Variants in CTNNA2 observed in about 807,000 individuals in gnomAD.
CTNNA2 encodes the protein catenin alpha-2.
A neutral mutation model predicts 101.0 loss-of-function variants in CTNNA2; 42 were observed. That is an observed-to-expected ratio of 0.42 (90% CI 0.32 to 0.54). The LOEUF (loss-of-function observed/expected upper bound fraction) is 0.54, where lower values mean the gene tolerates loss of function less well. Ranked by LOEUF, CTNNA2 falls within the 20% of genes least tolerant of loss-of-function variation. The probability of loss-of-function intolerance (pLI) is 0.14; values close to 1 mark genes in which losing one functional copy is unlikely to be tolerated. For missense variants in CTNNA2, 871 were observed against 1,223.1 expected, an observed-to-expected ratio of 0.71 and a Z score of 4.29; for synonymous variants, 450 against 456.4, an observed-to-expected ratio of 0.99 and a Z score of 0.18.
chr2:79,388,783 CTT>C (rs138737238), intron 4 of CTNNA2, among the ~76,000 whole-genome samples: 5 of 149,374 alleles, frequency 3.3e-5, no homozygotes, highest in African/African-American at 1.2e-4. Flanking sequence ...TCTCTCTCCT[CTT>C]TTTTTTTTAA....
At chr2:79,635,387 G>C (rs7563106) in intron 1 of CTNNA2, among the ~76,000 whole-genome samples, 1 of 151,574 alleles carries the variant, frequency 6.6e-6, no homozygotes, top group Non-Finnish European at 1.5e-5. Context: ...AGCCGAGATC[G>C]TGCCACTGCA....
intron 14 of CTNNA2, among the ~76,000 whole-genome samples, chr2:80,585,394 T>A (rs1695894804): frequency 6.6e-6 from 1 of 152,154 alleles, no homozygotes. Flanking sequence ...TGGATTAATA[T>A]CTCTGATACC....
intron 9 of CTNNA2, among the ~76,000 whole-genome samples, chr2:80,458,377 GC>G (rs1218809048): frequency 6.6e-6 from 1 of 152,102 alleles, no homozygotes; most frequent in Non-Finnish European, 1.5e-5. Flanking sequence ...AGTAGACTGT[GC>G]TTCTGTGTGT....
chr2:79,408,432 C>A (rs1332431442), intron 4 of CTNNA2, among the ~76,000 whole-genome samples: 2 of 150,572 alleles, frequency 1.3e-5, no homozygotes, highest in Non-Finnish European at 3.0e-5. Context: ...TTAGGTATAT[C>A]TCCTAATGCT....
chr2:80,158,946 C>T (rs1161504830), intron 7 of CTNNA2, among the ~76,000 whole-genome samples: 1 of 151,890 alleles, frequency 6.6e-6, no homozygotes, highest in Admixed American at 6.6e-5. Context: ...ACAAATGGAA[C>T]CATACAGTCC....
At chr2:79,796,071 G>C (rs758571138) in intron 3 of CTNNA2, among the ~76,000 whole-genome samples, 4 of 152,164 alleles carry the variant, frequency 2.6e-5, no homozygotes, top group African/African-American at 9.7e-5. Flanking sequence ...CAGATCCCAA[G>C]TGACAGGGAT....
At chr2:80,440,535 T>C (rs1206510304) in intron 9 of CTNNA2, among the ~76,000 whole-genome samples, 1 of 152,188 alleles carries the variant, frequency 6.6e-6, no homozygotes, top group African/African-American at 2.4e-5. Flanking sequence ...TGCTCACACA[T>C]TGAGACGAAG....
chr2:79,218,265 G>A (rs1674292266), intron 2 of CTNNA2, among the ~76,000 whole-genome samples: 2 of 151,546 alleles, frequency 1.3e-5, no homozygotes, highest in Non-Finnish European at 2.9e-5. Flanking sequence ...GTCCAGTAGA[G>A]TCTGAGCTTC....
At chr2:80,595,246 C>G (rs551066299) in intron 15 of CTNNA2, among the ~76,000 whole-genome samples, 1 of 151,966 alleles carries the variant, frequency 6.6e-6, no homozygotes, top group Non-Finnish European at 1.5e-5. Context: ...TTTTTTGATA[C>G]TGTTCTAAAT....
chr2:80,484,227 C>T (rs1346926444), intron 9 of CTNNA2, among the ~76,000 whole-genome samples: 1 of 151,938 alleles, frequency 6.6e-6, no homozygotes, highest in East Asian at 1.9e-4. Flanking sequence ...GTGGTCAATA[C>T]ATTTAAAGCA....
At chr2:80,000,673 G>T (rs1163092437) in intron 7 of CTNNA2, among the ~76,000 whole-genome samples, 1 of 152,170 alleles carries the variant, frequency 6.6e-6, no homozygotes, top group East Asian at 1.9e-4. Flanking sequence ...GAGGTCACAT[G>T]TCCATGGAGA....
chr2:80,293,012 G>T (rs1675399868), intron 7 of CTNNA2, among the ~76,000 whole-genome samples: 1 of 152,124 alleles, frequency 6.6e-6, no homozygotes, highest in Non-Finnish European at 1.5e-5. Flanking sequence ...GCTGCATTCT[G>T]AAAAGTCCCA....
chr2:80,006,366 A>AG (rs1450718708), intron 7 of CTNNA2, among the ~76,000 whole-genome samples: 1 of 151,454 alleles, frequency 6.6e-6, no homozygotes, highest in Admixed American at 6.6e-5. Context: ...CAGTAAAAAA[A>AG]AAAAAAAAGA....
intron 3 of CTNNA2, among the ~76,000 whole-genome samples, chr2:79,759,710 C>T (rs1672650750): frequency 6.6e-6 from 1 of 152,100 alleles, no homozygotes; most frequent in African/African-American, 2.4e-5. Context: ...TAGAATGTCC[C>T]AGGGCTCTGA....
intron 2 of CTNNA2, among the ~76,000 whole-genome samples, chr2:79,212,696 C>A (rs200445947): frequency 1.9e-5 from 1 of 51,440 alleles, no homozygotes; most frequent in African/African-American, 5.1e-5. Context: ...AAGAAATGAC[C>A]GCGGTGGCCT....
intron 7 of CTNNA2, among the ~76,000 whole-genome samples, chr2:79,949,279 G>A (rs1215972273): frequency 6.6e-5 from 10 of 152,116 alleles, no homozygotes; most frequent in East Asian, 1.9e-4. Context: ...AATAACGTGC[G>A]TGGGATTATT....
At chr2:79,396,410 C>T (rs1039788020) in intron 4 of CTNNA2, among the ~76,000 whole-genome samples, 12 of 152,072 alleles carry the variant, frequency 7.9e-5, no homozygotes, top group African/African-American at 2.2e-4. Flanking sequence ...CTGCCCGCCT[C>T]GGCCTCCCAA....
chr2:80,598,540 A>G (rs778404163), intron 15 of CTNNA2, among the ~76,000 whole-genome samples: 4 of 152,218 alleles, frequency 2.6e-5, no homozygotes, highest in Non-Finnish European at 4.4e-5. Flanking sequence ...ACATTTATCC[A>G]GAGACGTAAA....
chr2:79,928,285 C>T (rs1687164181), intron 7 of CTNNA2, among the ~76,000 whole-genome samples: 1 of 152,046 alleles, frequency 6.6e-6, no homozygotes, highest in Non-Finnish European at 1.5e-5. Context: ...ACTTTGTTGA[C>T]TTACATCGGG....
Sources: allele counts gnomAD v4.1 joint callset (sites outside exome capture counted in the v4.1 genomes callset), GRCh38; gene constraint gnomAD v4.1.1; transcripts MANE v1.5; gene names NCBI Gene and HGNC (gene_info 2026-07-23, HGNC 2026-07-21).